The following ATP1A2 variants were observed in gnomAD, a reference collection of about 807,000 sequenced individuals.
The protein encoded by ATP1A2 is sodium/potassium-transporting ATPase subunit alpha-2.
Under a neutral mutation model 113.1 loss-of-function variants are expected in ATP1A2, and 56 were observed. The observed-to-expected ratio is 0.49, with a 90% confidence interval of 0.40 to 0.62. The LOEUF (loss-of-function observed/expected upper bound fraction) is 0.62, where lower values mean the gene tolerates loss of function less well. Ranked by LOEUF, ATP1A2 falls within the 20% of genes least tolerant of loss-of-function variation. ATP1A2 has a pLI of 0.00. For missense variants in ATP1A2, 712 were observed against 1,357.8 expected (o/e 0.52, Z 7.47); for synonymous variants, 490 against 526.8 (o/e 0.93, Z 0.96).
Position 160,127,591 on chromosome 1 carries a change from C to A in ATP1A2, c.788C>A (p.Thr263Lys), listed in dbSNP as rs777400961. Reference sequence around the variant, plus strand: ...ATTGTGATTGCCACAGGAGACCGGACGGTGATGGGCCGCATAGCTACTCTC... The same window carrying A: ...ATTGTGATTGCCACAGGAGACCGGAAGGTGATGGGCCGCATAGCTACTCTC... Reference protein sequence around the residue: ...RGIVIATGDRTVMGRIATLAS... With the variant: ...RGIVIATGDRKVMGRIATLAS... Residue 263 changes from threonine to lysine, a missense_variant, in exon 8 of 23, where the codon ACG becomes AAG. Transcript: ENST00000361216. 6.2e-7 allele frequency: 1 copy of A among 1,614,242 alleles called. No individual in the cohort carries two copies. Among genetic ancestry groups the A allele is most frequent in the African/African-American group, 1.3e-5 (1 of 75,066 alleles).
At chr1:160,137,217 AT>A (rs1344331777) in intron 20 of ATP1A2, 186 bp downstream of exon 20, 4 of 950,640 alleles carry the variant, frequency 4.2e-6, no homozygotes, top group Non-Finnish European at 6.2e-6. Context: ...CAGGCTCCTA[AT>A]TTTGCATTTT....
chr1:160,138,452 T>A (rs980683808), intron 20 of ATP1A2, among the ~76,000 whole-genome samples: 1 of 152,214 alleles, frequency 6.6e-6, no homozygotes, highest in African/African-American at 2.4e-5. Context: ...AACAATTAAA[T>A]GTGGCCTTTA....
chr1:160,124,790 T>C (rs1455609884), intron 6 of ATP1A2, among the ~76,000 whole-genome samples: 2 of 152,216 alleles, frequency 1.3e-5, no homozygotes, highest in African/African-American at 2.4e-5. Context: ...CGTTGCATCC[T>C]GAATGACCCC....
At chr1:160,125,365 A>G in intron 7 of ATP1A2, 112 bp downstream of exon 7, 3 of 1,013,316 alleles carry the variant, frequency 3.0e-6, no homozygotes, top group South Asian at 2.6e-5. Context: ...TGGTGGGGCA[A>G]TTGAGGGGTC....
rs1239361196 is a variant in ATP1A2 at position 160,123,234 on chromosome 1, C to G, written c.199C>G (p.Gln67Glu). Residue 67 changes from glutamine to glutamate, a missense_variant, in exon 4 of 23, where the codon CAG becomes GAG. Physicochemically the swap from Gln to Glu is conservative, Grantham distance 29. This residue lies in a region of ATP1A2 where 109 missense variants were observed against 162.3 expected (regional missense o/e 0.67). Coordinates refer to ENST00000361216, the MANE Select transcript of ATP1A2 (RefSeq NM_000702.4). ...TCAGGGCCTCACCAACCAGCGGGCT[C>G]AGGACGTTCTGGCTCGAGATGGGCC... Reference protein sequence around the residue: ...LSKGLTNQRAQDVLARDGPNA... With the variant: ...LSKGLTNQRAEDVLARDGPNA... 6.2e-7 allele frequency: 1 copy of G among 1,614,212 alleles called. No homozygotes were observed. The highest frequency in any genetic ancestry group is 8.5e-7 in the Non-Finnish European group (1 of 1,180,034).
At chr1:160,138,338 C>T (rs903230901) in intron 20 of ATP1A2, among the ~76,000 whole-genome samples, 1 of 152,220 alleles carries the variant, frequency 6.6e-6, no homozygotes, top group African/African-American at 2.4e-5. Flanking sequence ...ACGTGGTGAT[C>T]GGATGCTGAT....
Position 160,128,753 on chromosome 1 carries a change from G to T in ATP1A2, c.1119G>T (p.Ser373=), listed in dbSNP as rs1063125. ...ETLGSTSTIC[S]DKTGTLTQNR... The stretch of plus-strand genomic sequence containing the variant: ...TGGGCTCCACGTCCACCATCTGCTC[G>T]GACAAGACGGGCACCCTCACCCAGA... Residue 373 remains serine (S), a synonymous_variant, in exon 9 of 23, where the codon TCG becomes TCT. Coordinates refer to ENST00000361216, the MANE Select transcript of ATP1A2 (RefSeq NM_000702.4). 6.2e-7 allele frequency: 1 copy of T among 1,613,920 alleles called. No individual in the cohort carries two copies. The highest frequency in any genetic ancestry group is 8.5e-7 in the Non-Finnish European group (1 of 1,179,968).
intron 13 of ATP1A2, among the ~76,000 whole-genome samples, chr1:160,133,898 T>C (rs1259178394): frequency 6.6e-6 from 1 of 152,132 alleles, no homozygotes; most frequent in Admixed American, 6.5e-5. Flanking sequence ...GTTACTCTGT[T>C]ATGGATACTT....
Position 160,134,591 on chromosome 1 carries a change from C to T in ATP1A2, c.1935C>T (p.Leu645=), listed in dbSNP as rs757878321. 5 of 1,614,234 alleles carry T rather than the reference C, an allele frequency of 3.1e-6. No individual in the cohort carries two copies. Residue 645 remains leucine (L), a synonymous_variant, in exon 14 of 23, where the codon CTC becomes CTT. Coordinates refer to ENST00000361216, the MANE Select transcript of ATP1A2 (RefSeq NM_000702.4). ...CTGTGGAGGACATTGCAGCCCGGCT[C>T]AACATTCCCATGAGTCAAGTCAACC... ...NETVEDIAAR[L]NIPMSQVNPR... is the part of the protein sequence containing the mutation.
chr1:160,130,682 C>T lies in ATP1A2; in HGVS notation c.1827+85C>T, dbSNP rs1570990627. On this transcript the variant is annotated intron_variant, in intron 13 of 22. Coordinates refer to ENST00000361216, the MANE Select transcript of ATP1A2 (RefSeq NM_000702.4). ...TGCAGTGGCTGCTGCCCTGGAAAGG[C>T]CCAGGCCACGGTGGCCTCCTTCCCA... 4.4e-6 allele frequency: 7 copies of T among 1,584,418 alleles called. No individual in the cohort carries two copies. In the East Asian group the frequency reaches 1.6e-4, roughly 36 times the overall value.
At position 160,130,622 on chromosome 1, in the gene ATP1A2, C is replaced by T. The variant is rs1288405844; in HGVS notation, c.1827+25C>T. The T allele has an allele frequency of 2.5e-6, 4 of 1,613,802 alleles. No individual in the cohort carries two copies. The African/African-American group carries it at 4.0e-5, about 16-fold the overall frequency. On this transcript the variant is annotated intron_variant, in intron 13 of 22. Coordinates refer to ENST00000361216, the MANE Select transcript of ATP1A2 (RefSeq NM_000702.4). ...GGTACTGGCCTCCCATCCTCCCCTC[C>T]ATTCTAGCCTCCCCCATGCCAGAGT...
chr1:160,129,520 C>T (rs555720398), intron 11 of ATP1A2, 120 bp downstream of exon 11: 3 of 1,461,034 alleles, frequency 2.1e-6, no homozygotes, highest in East Asian at 2.3e-5. Context: ...GTTCCCTCCC[C>T]CTGCTAAGTC....
At chr1:160,120,814 C>G in intron 1 of ATP1A2, 92 bp from the exon 2 acceptor site, 1 of 1,325,450 alleles carries the variant, frequency 7.5e-7, no homozygotes, top group Non-Finnish European at 1.1e-6. Flanking sequence ...TGAACACACA[C>G]CCCCACTGCC....
At chr1:160,139,206 CA>C (rs1410074687) in intron 20 of ATP1A2, among the ~76,000 whole-genome samples, 23 of 152,262 alleles carry the variant, frequency 1.5e-4, no homozygotes, top group Admixed American at 5.2e-4. Context: ...ATGAAACCAC[CA>C]CCAGGAACTG....
At chr1:160,134,964 T>C (rs563320487) in intron 14 of ATP1A2, among the ~76,000 whole-genome samples, 181 bp from the exon 15 acceptor site, 1 of 152,322 alleles carries the variant, frequency 6.6e-6, no homozygotes, top group South Asian at 2.1e-4. Context: ...GGTGAGGATT[T>C]AGACTCACAT....
At chr1:160,125,310 G>A (rs1651552171) in intron 7 of ATP1A2, 57 bp downstream of exon 7, 5 of 1,488,530 alleles carry the variant, frequency 3.4e-6, no homozygotes, top group Non-Finnish European at 4.7e-6. Context: ...TCCATAGTCA[G>A]GATGAAGGGC....
intron 1 of ATP1A2, among the ~76,000 whole-genome samples, 168 bp downstream of exon 1, chr1:160,116,041 C>T (rs570520395): frequency 1.3e-5 from 2 of 152,254 alleles, no homozygotes; most frequent in Middle Eastern, 3.4e-3. Context: ...ACAGATCCCA[C>T]GGCGGTCACA....
At chr1:160,126,388 T>C (rs6698729) in intron 7 of ATP1A2, among the ~76,000 whole-genome samples, 90,416 of 151,998 alleles carry the variant, frequency 0.59, 27,360 homozygotes, top group South Asian at 0.73. Context: ...TGAGGTTGGT[T>C]GAATCTATGG....
chr1:160,141,482 T>G lies in ATP1A2; in HGVS notation c.*160T>G, dbSNP rs903248761. The G allele has an allele frequency of 6.8e-5, 60 of 884,252 alleles. No individual in the cohort carries two copies. In the African/African-American group the frequency reaches 9.4e-4, roughly 14 times the overall value. The allele number at this position is 884,252 out of a possible 1,614,324, so 54.8% of individuals were successfully genotyped here. A position where few individuals can be genotyped will look rare whatever the true frequency, so the allele number is the denominator to read the frequency against. ...CAGGCTAAGTTGCGGGGTATATAAA[T>G]TGGGGTGATGACCCCATAGACCTAA... On this transcript the variant is annotated 3_prime_UTR_variant, in exon 23 of 23. Transcript: ENST00000361216.
Sources: allele counts gnomAD v4.1 joint callset (sites outside exome capture counted in the v4.1 genomes callset), GRCh38; gene constraint gnomAD v4.1.1; regional missense constraint gnomAD v4.1.1; transcripts MANE v1.5; gene names NCBI Gene and HGNC (gene_info 2026-07-23, HGNC 2026-07-21).